Variants in DGKH observed in about 807,000 individuals in gnomAD.
The protein encoded by DGKH is DAG kinase eta.
In DGKH, 90 loss-of-function variants were observed where a neutral mutation model predicts 159.3. The ratio of observed to expected loss-of-function variants is 0.57; its 90% CI spans 0.48 to 0.67. The LOEUF is 0.67. Among genes scored for constraint, DGKH ranks in the 30% least tolerant of loss-of-function variants. DGKH has a pLI of 0.00. For missense variants in DGKH, 1,181 were observed against 1,506.1 expected, an observed-to-expected ratio of 0.78 and a Z score of 3.57; for synonymous variants, 536 against 553.8, an observed-to-expected ratio of 0.97 and a Z score of 0.45.
At chr13:42,111,707 C>A (rs903483182) in intron 1 of DGKH, among the ~76,000 whole-genome samples, 12 of 151,982 alleles carry the variant, frequency 7.9e-5, no homozygotes, top group African/African-American at 2.9e-4. Flanking sequence ...TGAATATATC[C>A]AGAGGTGTTG....
chr13:42,100,098 A>T (rs945634987), intron 1 of DGKH, among the ~76,000 whole-genome samples: 1 of 152,146 alleles, frequency 6.6e-6, no homozygotes, highest in Non-Finnish European at 1.5e-5. Context: ...GTGAAGCTTC[A>T]TCTGTATTTA....
intron 1 of DGKH, among the ~76,000 whole-genome samples, chr13:42,081,289 G>A (rs569608868): frequency 5.1e-4 from 78 of 152,130 alleles, no homozygotes; most frequent in African/African-American, 1.7e-3. Context: ...GAGTGCAGCG[G>A]CACGATGTTG....
At chr13:42,138,070 C>T (rs1955440622) in intron 3 of DGKH, 5 of 985,092 alleles carry the variant, frequency 5.1e-6, no homozygotes, top group Non-Finnish European at 6.0e-6. Flanking sequence ...TCATCTCATT[C>T]CCTGTGAGCT....
At chr13:42,135,215 C>A (rs1331212787) in intron 3 of DGKH, among the ~76,000 whole-genome samples, 1 of 150,886 alleles carries the variant, frequency 6.6e-6, no homozygotes, top group Non-Finnish European at 1.5e-5. Context: ...ATTTGTAGTT[C>A]AAGCCAGGCA....
intron 1 of DGKH, among the ~76,000 whole-genome samples, chr13:42,078,414 G>C (rs1241849166): frequency 6.6e-6 from 1 of 152,180 alleles, no homozygotes; most frequent in Admixed American, 6.5e-5. Context: ...ATGGATTCTG[G>C]TCACTGCAAA....
At chr13:42,214,751 C>T (rs1271759859) in intron 25 of DGKH, 139 bp downstream of exon 25, 2 of 570,646 alleles carry the variant, frequency 3.5e-6, no homozygotes, top group Admixed American at 4.3e-5. Context: ...GCAGTAAAAT[C>T]GTGGACAACT....
chr13:42,249,473 TA>T (rs67948011), intron 29 of DGKH, among the ~76,000 whole-genome samples: 52,230 of 152,146 alleles, frequency 0.34, 9,535 homozygotes, highest in Non-Finnish European at 0.41. Context: ...TGCAACCTAT[TA>T]AACTGATTTT....
At chr13:42,148,713 G>T (rs923124132) in intron 3 of DGKH, among the ~76,000 whole-genome samples, 3 of 152,092 alleles carry the variant, frequency 2.0e-5, no homozygotes, top group Admixed American at 6.5e-5. Context: ...TGGTTAAAAG[G>T]TTCCTCATAA....
chr13:42,190,259 C>A, intron 15 of DGKH, 144 bp from the exon 16 acceptor site: 1 of 908,476 alleles, frequency 1.1e-6, no homozygotes, highest in Admixed American at 3.5e-5. Context: ...GACATCAACC[C>A]CAAGTTCATT....
Position 42,234,161 on chromosome 13 carries a change from A to C in DGKH, c.*4973A>C, listed in dbSNP as rs748130771. On this transcript the variant is annotated 3_prime_UTR_variant, in exon 30 of 30. Transcript: ENST00000337343. ...ACTTAATTTTATAAGATTTTTCCCA[A>C]TGAGACTTATTTTCAGGAATCCTTC... 6.6e-6 allele frequency: 1 copy of C among 152,062 alleles called. No homozygotes were observed. Among genetic ancestry groups the C allele is most frequent in the African/African-American group, 2.4e-5 (1 of 41,406 alleles). 9.4% of individuals were successfully genotyped at this position (152,062 alleles called of 1,614,324 possible). A position where few individuals can be genotyped will look rare whatever the true frequency, so the allele number is the denominator to read the frequency against.
At chr13:42,114,596 A>T (rs985255265) in intron 1 of DGKH, among the ~76,000 whole-genome samples, 1 of 152,224 alleles carries the variant, frequency 6.6e-6, no homozygotes, top group Non-Finnish European at 1.5e-5. Flanking sequence ...AAGTGGAGTT[A>T]TCCAGCAGCA....
chr13:42,219,284 G>A lies in DGKH; in HGVS notation c.3268G>A (p.Val1090Met). ...ATCCAATGCCTTACACTCTGTGGAG[G>A]TGGAATTACAGAAACTGACAGAGAT... Reference protein sequence around the residue: ...RVSNALHSVEVELQKLTEIPW... With the variant: ...RVSNALHSVEMELQKLTEIPW... The change falls in exon 27 of 30, where the codon GTG becomes ATG. Residue 1090 changes from valine (V) to methionine (M), a missense_variant. Transcript: ENST00000337343. 6.2e-7 allele frequency: 1 copy of A among 1,613,958 alleles called. No homozygotes were observed. Among genetic ancestry groups the A allele is most frequent in the Non-Finnish European group, 8.5e-7 (1 of 1,179,916 alleles).
rs372736794 is a variant in DGKH, at chr13:42,179,032, T to A, written c.1538+812T>A. Among the ~76,000 whole-genome samples the A allele has an allele frequency of 5.3e-5, 8 of 152,310 alleles. No homozygotes were observed. The East Asian group carries it at 1.3e-3, about 26-fold the overall frequency. On this transcript the variant is annotated intron_variant, in intron 13 of 29. Transcript: ENST00000337343. ...ACAGTAAAGTTGAGGAAAGACAAGA[T>A]CAATCATTATAAACAAATTTGCTTG...
At chr13:42,047,070 A>G (rs1880839031), upstream of DGKH, among the ~76,000 whole-genome samples, 1 of 152,244 alleles carries the variant, frequency 6.6e-6, no homozygotes, top group Admixed American at 6.5e-5. Flanking sequence ...TAGAGTTCTA[A>G]GCGTTCTTAA....
At chr13:42,162,852 G>A (rs1040017456) in intron 7 of DGKH, among the ~76,000 whole-genome samples, 161 of 147,642 alleles carry the variant, frequency 1.1e-3, no homozygotes, top group African/African-American at 3.6e-3. Flanking sequence ...TTTATTTTGC[G>A]TATGTCTTTT....
rs769380353 is a variant in DGKH, at chr13:42,166,610, C to T, written c.1054C>T (p.Arg352Cys). The T allele has an allele frequency of 2.5e-6, 4 of 1,607,856 alleles. No homozygotes were observed. The highest frequency in any genetic ancestry group is 2.5e-6 in the Non-Finnish European group (3 of 1,177,250). ...GDNQGVKFLRRFKQLLNPAQV... is the reference protein window; with the variant it reads ...GDNQGVKFLRCFKQLLNPAQV... ...TAATCAGGGAGTAAAGTTCCTCCGT[C>T]GCTTTAAACAGTTGCTAAATCCGGC... The change falls in exon 9 of 30, where the codon CGC becomes TGC. Residue 352 changes from arginine to cysteine, a missense_variant. By Grantham distance (180) the Arg-to-Cys change is radical. Coordinates refer to ENST00000337343, the MANE Select transcript of DGKH (RefSeq NM_178009.5).
In DGKH at chr13:42,230,127, A is replaced by G. The variant is rs1005136320; in HGVS notation, c.*939A>G. On this transcript the variant is annotated 3_prime_UTR_variant, in exon 30 of 30. Coordinates refer to ENST00000337343, the MANE Select transcript of DGKH (RefSeq NM_178009.5). Reference sequence around the variant, plus strand: ...TACAGCTTTCCAAACCAAAATTTCCACATTTTGTTTCTAATTTTTAATTTC... The same window carrying G: ...TACAGCTTTCCAAACCAAAATTTCCGCATTTTGTTTCTAATTTTTAATTTC... 4.6e-5 allele frequency: 7 copies of G among 152,208 alleles called. No individual in the cohort carries two copies. Among genetic ancestry groups the G allele is most frequent in the Non-Finnish European group, 7.4e-5 (5 of 67,992 alleles). The allele number at this position is 152,208 out of a possible 1,614,324, so 9.4% of individuals were successfully genotyped here. A position where few individuals can be genotyped will look rare whatever the true frequency, so the allele number is the denominator to read the frequency against.
At chr13:42,183,924 A>AC (rs1387694768) in intron 13 of DGKH, among the ~76,000 whole-genome samples, 1 of 152,058 alleles carries the variant, frequency 6.6e-6, no homozygotes, top group Non-Finnish European at 1.5e-5. Context: ...CACTCTACTC[A>AC]CCCCCCAAGT....
At chr13:42,178,998 A>G (rs533521310) in intron 13 of DGKH, among the ~76,000 whole-genome samples, 2 of 152,360 alleles carry the variant, frequency 1.3e-5, no homozygotes, top group East Asian at 3.9e-4. Flanking sequence ...TATATTATGT[A>G]CTTAATTCAC....
Sources: allele counts gnomAD v4.1 joint callset (sites outside exome capture counted in the v4.1 genomes callset), GRCh38; gene constraint gnomAD v4.1.1; transcripts MANE v1.5; gene names NCBI Gene and HGNC (gene_info 2026-07-23, HGNC 2026-07-21).